The following MTMR3 variants were observed in gnomAD, a reference collection of about 807,000 sequenced individuals.
MTMR3 encodes the protein myotubularin related protein 3, also known as phosphatidylinositol-3,5-bisphosphate 3-phosphatase MTMR3.
A neutral mutation model predicts 132.4 loss-of-function variants in MTMR3; 32 were observed. The observed-to-expected ratio is 0.24, with a 90% CI of 0.18 to 0.32. The LOEUF (loss-of-function observed/expected upper bound fraction) is 0.32, where lower values mean the gene tolerates loss of function less well. Among genes scored for constraint, MTMR3 ranks in the 10% least tolerant of loss-of-function variants. MTMR3 has a pLI of 1.00. For missense variants in MTMR3, 1,216 were observed against 1,489.6 expected, an observed-to-expected ratio of 0.82 and a Z score of 3.02; for synonymous variants, 556 against 550.3, an observed-to-expected ratio of 1.01 and a Z score of -0.14.
At chr22:29,903,580 G>A (rs1393999947) in intron 1 of MTMR3, among the ~76,000 whole-genome samples, 1 of 151,630 alleles carries the variant, frequency 6.6e-6, no homozygotes, top group African/African-American at 2.4e-5. Flanking sequence ...TTGCATGTAC[G>A]TAGAGATGGG....
At chr22:29,999,084 A>C in intron 8 of MTMR3, 2 of 306,346 alleles carry the variant, frequency 6.5e-6, no homozygotes, top group Non-Finnish European at 6.0e-6. Flanking sequence ...CTTCCCTTTT[A>C]CCCCCTCTAG....
chr22:30,004,610 A>G (rs889930765), intron 9 of MTMR3: 4 of 152,226 alleles, frequency 2.6e-5, no homozygotes, highest in African/African-American at 9.6e-5. Flanking sequence ...TTTTTCAGAG[A>G]AAGTCTTTCA....
At chr22:29,972,187 C>T (rs1311764112) in intron 3 of MTMR3, among the ~76,000 whole-genome samples, 1 of 152,110 alleles carries the variant, frequency 6.6e-6, no homozygotes, top group Non-Finnish European at 1.5e-5. Context: ...TATTGGTTTT[C>T]CCACAGAGTT....
chr22:30,000,075 GT>G (rs1569043078), intron 8 of MTMR3: 7 of 152,314 alleles, frequency 4.6e-5, no homozygotes, highest in African/African-American at 1.7e-4. Context: ...AAGTGCGTTG[GT>G]GGGGGAGGAC....
chr22:29,951,926 A>T (rs1381445153), intron 1 of MTMR3, among the ~76,000 whole-genome samples: 2 of 135,350 alleles, frequency 1.5e-5, no homozygotes, highest in South Asian at 2.2e-4. Context: ...CTCTCACTCT[A>T]TCAAGTGGAG....
intron 1 of MTMR3, among the ~76,000 whole-genome samples, chr22:29,938,016 A>G (rs1168291776): frequency 6.6e-6 from 1 of 152,216 alleles, no homozygotes; most frequent in African/African-American, 2.4e-5. Context: ...AGGGGCTGAC[A>G]AGACCTTAAA....
At chr22:29,992,861 T>G (rs1405089070) in intron 7 of MTMR3, 1 of 152,266 alleles carries the variant, frequency 6.6e-6, no homozygotes, top group Non-Finnish European at 1.5e-5. Context: ...CATTATCTTA[T>G]GTTTAACAAT....
At chr22:30,005,199 G>C (rs2067250148) in intron 9 of MTMR3, 1 of 152,148 alleles carries the variant, frequency 6.6e-6, no homozygotes, top group Non-Finnish European at 1.5e-5. Flanking sequence ...TTATCTGTTG[G>C]ACATCATAAT....
intron 3 of MTMR3, 111 bp downstream of exon 3, chr22:29,971,173 ATTTC>A: frequency 1.8e-6 from 2 of 1,129,822 alleles, no homozygotes; most frequent in South Asian, 1.6e-5. Flanking sequence ...GTAAGAAATT[ATTTC>A]TTTTTCTTTC....
At chr22:29,908,093 A>G (rs1198203892) in intron 1 of MTMR3, among the ~76,000 whole-genome samples, 1 of 152,170 alleles carries the variant, frequency 6.6e-6, no homozygotes, top group Non-Finnish European at 1.5e-5. Flanking sequence ...CCACAGTCGG[A>G]TGCAAGTAAG....
rs2067003418 is a variant in MTMR3 at position 29,993,473 on chromosome 22, A to G, written c.460+1803A>G. On this transcript the variant is annotated intron_variant, in intron 7 of 19. Transcript: ENST00000401950. ...CTAGGATAATGAACTTAATGAGTGC[A>G]TCCTACTGCATTATGTTATATAAGA... 4 of 152,100 alleles carry G rather than the reference A, an allele frequency of 2.6e-5. No individual in the cohort carries two copies. The South Asian group carries it at 8.3e-4, about 32-fold the overall frequency. 9.4% of individuals were successfully genotyped at this position (152,100 alleles called of 1,614,324 possible).
chr22:29,970,528 G>A (rs2066512739), intron 2 of MTMR3, among the ~76,000 whole-genome samples: 1 of 89,594 alleles, frequency 1.1e-5, no homozygotes, highest in African/African-American at 5.8e-5. Context: ...TTTTTTTTGA[G>A]ACAGAGTTTC....
chr22:29,892,596 T>C (rs755308434), intron 1 of MTMR3, among the ~76,000 whole-genome samples: 10 of 152,210 alleles, frequency 6.6e-5, no homozygotes, highest in African/African-American at 9.7e-5. Flanking sequence ...GCTTTTGATC[T>C]GTGGCTGCCT....
chr22:29,890,913 C>T (rs576725573), intron 1 of MTMR3, among the ~76,000 whole-genome samples: 231 of 152,006 alleles, frequency 1.5e-3, no homozygotes, highest in African/African-American at 5.3e-3. Flanking sequence ...ACTTAGTTGG[C>T]TGAGGCAGGA....
At chr22:29,995,115 T>C (rs1314865935) in intron 7 of MTMR3, 3 of 152,264 alleles carry the variant, frequency 2.0e-5, no homozygotes, top group African/African-American at 7.2e-5. Context: ...ACCTCTCTCA[T>C]GTGAAATGTC....
intron 1 of MTMR3, among the ~76,000 whole-genome samples, chr22:29,913,091 AATAATT>A (rs1173720549): frequency 6.6e-6 from 1 of 151,876 alleles, no homozygotes; most frequent in African/African-American, 2.4e-5. Flanking sequence ...AAATAATAAT[AATAATT>A]ATTATCCAGC....
intron 2 of MTMR3, 142 bp from the exon 3 acceptor site, chr22:29,970,834 G>T (rs1246207786): frequency 7.3e-6 from 3 of 408,622 alleles, no homozygotes; most frequent in Non-Finnish European, 1.3e-5. Context: ...ACTTTTTCTT[G>T]GCTGACTCTG....
intron 1 of MTMR3, among the ~76,000 whole-genome samples, chr22:29,896,112 C>A (rs1428166569): frequency 1.3e-5 from 2 of 152,130 alleles, no homozygotes. Context: ...GAGTTCAAGA[C>A]CAGCCTGGCC....
chr22:29,979,416 C>T (rs572567687), intron 5 of MTMR3: 11 of 213,978 alleles, frequency 5.1e-5, no homozygotes, highest in African/African-American at 7.1e-5. Context: ...GGCATGAACC[C>T]GGGAGGTGGA....
Sources: gnomAD v4.1 joint callset for allele counts (sites outside exome capture counted in the v4.1 genomes callset) on GRCh38, gnomAD v4.1.1 for gene constraint, MANE v1.5 for transcripts, NCBI Gene and HGNC (gene_info 2026-07-23, HGNC 2026-07-21) for gene names.